The following PRPS1 variants were observed in gnomAD, a reference collection of about 807,000 sequenced individuals.
PRPS1 encodes phosphoribosyl pyrophosphate synthetase 1.
Under a neutral mutation model 16.9 loss-of-function variants are expected in PRPS1, and 1 was observed. That is an observed-to-expected ratio of 0.06 (90% CI 0.02 to 0.28). PRPS1 has a LOEUF of 0.28. PRPS1 is among the 10% of genes least tolerant of loss of function. The probability of loss-of-function intolerance (pLI) is 1.00; values close to 1 mark genes in which losing one functional copy is unlikely to be tolerated. For synonymous variants in PRPS1, 70 were observed against 90.2 expected, an observed-to-expected ratio of 0.78 and a Z score of 1.27; for missense variants, 47 against 254.0, an observed-to-expected ratio of 0.19 and a Z score of 5.54.
In PRPS1 at chrX:107,645,158, A is replaced by T. The variant is rs373152693; in HGVS notation, c.531-19A>T. 4.1e-6 allele frequency: 5 copies of T among 1,210,182 alleles called. No individual in the cohort carries two copies. The South Asian group carries it at 5.3e-5, about 13-fold the overall frequency. On this transcript the variant is annotated intron_variant, in intron 4 of 6. Transcript: ENST00000372435. ...GTCTTAGAAGCCACACATACATATG[A>T]ACACGCTCTGTTTTGCAGAGTGACC...
intron 1 of PRPS1, among the ~76,000 whole-genome samples, chrX:107,630,683 A>G (rs1378241593): frequency 2.7e-5 from 3 of 109,769 alleles, no homozygotes; most frequent in Non-Finnish European, 5.7e-5. Flanking sequence ...TCTCTTGAGC[A>G]GAGTAGCTTT....
chrX:107,647,563 A>C (rs1351827310), intron 5 of PRPS1, 43 bp from the exon 6 acceptor site: 3 of 1,202,732 alleles, frequency 2.5e-6, no homozygotes, highest in Non-Finnish European at 3.4e-6. Flanking sequence ...AAATTCTGCA[A>C]TGACAAGTAA....
intron 1 of PRPS1, among the ~76,000 whole-genome samples, chrX:107,636,148 A>G (rs1925436079): frequency 9.3e-6 from 1 of 107,613 alleles, no homozygotes; most frequent in Non-Finnish European, 1.9e-5. Context: ...TTTGAGACGG[A>G]GTCCCGCTCT....
At chrX:107,641,850 CTTAA>C (rs1406663863) in intron 3 of PRPS1, among the ~76,000 whole-genome samples, 2 of 112,320 alleles carry the variant, frequency 1.8e-5, no homozygotes, top group South Asian at 3.7e-4. Flanking sequence ...AAAGGAATGA[CTTAA>C]TTGAGAAATA....
chrX:107,637,419 A>G (rs138261844), intron 1 of PRPS1, among the ~76,000 whole-genome samples: 1,269 of 111,509 alleles, frequency 0.011, 17 homozygotes, highest in African/African-American at 0.039. Flanking sequence ...GTCTTTTGTT[A>G]AAGTGTCATT....
chrX:107,646,580 G>A (rs1008730310), intron 5 of PRPS1, among the ~76,000 whole-genome samples: 1 of 112,192 alleles, frequency 8.9e-6, no homozygotes, highest in African/African-American at 3.2e-5. Context: ...AATACTAGTC[G>A]CTATAACAGA....
At chrX:107,630,927 T>G (rs1925294777) in intron 1 of PRPS1, among the ~76,000 whole-genome samples, 1 of 112,109 alleles carries the variant, frequency 8.9e-6, no homozygotes, top group Non-Finnish European at 1.9e-5. Flanking sequence ...CTTAGGATCT[T>G]GTCCAAAACA....
intron 1 of PRPS1, among the ~76,000 whole-genome samples, chrX:107,636,316 C>T (rs186485143): frequency 1.3e-3 from 139 of 111,125 alleles, no homozygotes; most frequent in African/African-American, 4.2e-3. Flanking sequence ...GACGGGGTTT[C>T]GCCATGTTGC....
chrX:107,641,423 T>G (rs1925569816), intron 3 of PRPS1, among the ~76,000 whole-genome samples: 1 of 112,092 alleles, frequency 8.9e-6, no homozygotes, highest in South Asian at 3.7e-4. Flanking sequence ...TGGCACGATC[T>G]TGGCTCACTG....
intron 1 of PRPS1, among the ~76,000 whole-genome samples, chrX:107,637,477 T>C (rs913725777): frequency 9.0e-6 from 1 of 111,653 alleles, no homozygotes. Flanking sequence ...CTTCTTTTGC[T>C]ATTTATGGAC....
At chrX:107,639,821 G>A (rs1860627161) in intron 2 of PRPS1, among the ~76,000 whole-genome samples, 1 of 111,523 alleles carries the variant, frequency 9.0e-6, no homozygotes, top group Non-Finnish European at 1.9e-5. Flanking sequence ...GATCCTAGTT[G>A]TGACCTCTTC....
chrX:107,638,192 C>T (rs1009167309), intron 1 of PRPS1, among the ~76,000 whole-genome samples: 1 of 110,749 alleles, frequency 9.0e-6, no homozygotes, highest in Non-Finnish European at 1.9e-5. Context: ...TCACCGCAAC[C>T]TGTGCCTCCC....
At chrX:107,647,896 T>C (rs1925738553) in intron 6 of PRPS1, 131 bp downstream of exon 6, 3 of 769,812 alleles carry the variant, frequency 3.9e-6, no homozygotes, top group African/African-American at 2.1e-5. Flanking sequence ...TCATCAGAAT[T>C]TGTGATCCAA....
rs1012116674 is a variant in PRPS1, at chrX:107,650,758, C to T, written c.*726C>T. 2.7e-5 allele frequency: 8 copies of T among 295,789 alleles called. No homozygotes were observed. The Admixed American group carries it at 5.0e-4, about 18-fold the overall frequency. 24.4% of individuals were successfully genotyped at this position (295,789 alleles called of 1,213,427 possible). A position where few individuals can be genotyped will look rare whatever the true frequency, so the allele number is the denominator to read the frequency against. ...GCCCAAATGAACATTGTACCATAGT[C>T]TTCTGGAAAGCAAACATGCTTCCTG... On this transcript the variant is annotated 3_prime_UTR_variant, in exon 7 of 7. Transcript: ENST00000372435.
At position 107,638,818 on chromosome X, in the gene PRPS1, C is replaced by T. The variant is rs775521805; in HGVS notation, c.123-477C>T. Among the ~76,000 whole-genome samples, 10 of 111,124 alleles carry T rather than the reference C, an allele frequency of 9.0e-5. No individual in the cohort carries two copies. In the South Asian group the frequency reaches 3.8e-3, roughly 42 times the overall value. Reference sequence around the variant, plus strand: ...TGTGATCTTAGCTCACTGCAACCTCCGCCTCCTGAGTTCCAGCGATTCTCG... The same window carrying T: ...TGTGATCTTAGCTCACTGCAACCTCTGCCTCCTGAGTTCCAGCGATTCTCG... On this transcript the variant is annotated intron_variant, in intron 1 of 6. Transcript: ENST00000372435.
chrX:107,642,641 C>G, intron 4 of PRPS1, 151 bp downstream of exon 4: 3 of 694,827 alleles, frequency 4.3e-6, no homozygotes, highest in Non-Finnish European at 6.5e-6. Context: ...ATAGTTTTAC[C>G]CTTTCCTCTT....
Position 107,647,655 on chromosome X carries a change from A to G in PRPS1, c.754A>G (p.Ile252Val). The change falls in exon 6 of 7, where the codon ATC (isoleucine) becomes GTC (valine). Residue 252 changes from isoleucine to valine, a missense_variant. Ile to Val is a conservative substitution (Grantham distance 29, BLOSUM62 3). Around this residue, in one of 3 missense-constraint regions of PRPS1, gnomAD observed 26 missense variants for 70.2 expected, o/e 0.37. Transcript: ENST00000372435. ...AGTTTATGCCATCTTGACTCATGGA[A>G]TCTTCTCCGGTCCTGCTATTTCTCG... Reference protein sequence around the residue: ...TRVYAILTHGIFSGPAISRIN... With the variant: ...TRVYAILTHGVFSGPAISRIN... The G allele has an allele frequency of 1.7e-6, 2 of 1,210,972 alleles. No homozygotes were observed. The highest frequency in any genetic ancestry group is 2.2e-6 in the Non-Finnish European group (2 of 895,151).
At chrX:107,642,518 A>G (rs1205599465) in intron 4 of PRPS1, 28 bp downstream of exon 4, 2 of 1,208,649 alleles carry the variant, frequency 1.7e-6, no homozygotes, top group Non-Finnish European at 2.2e-6. Flanking sequence ...ATTGTTCCCA[A>G]TGTACTGGGA....
intron 5 of PRPS1, among the ~76,000 whole-genome samples, chrX:107,645,580 A>G (rs1925674399): frequency 8.9e-6 from 1 of 111,875 alleles, no homozygotes; most frequent in Non-Finnish European, 1.9e-5. Context: ...GCTACATATA[A>G]CACAATTTGC....
Sources: gnomAD v4.1 joint callset for allele counts (sites outside exome capture counted in the v4.1 genomes callset) on GRCh38, gnomAD v4.1.1 for gene constraint, gnomAD v4.1.1 regional missense constraint, MANE v1.5 for transcripts, NCBI Gene and HGNC (gene_info 2026-07-23, HGNC 2026-07-21) for gene names.